Variants in GRIK4 observed in about 807,000 individuals in gnomAD.
GRIK4 encodes the protein glutamate receptor ionotropic, kainate 4.
Under a neutral mutation model 104.9 loss-of-function variants are expected in GRIK4, and 40 were observed. That is an observed-to-expected ratio of 0.38 (90% CI 0.30 to 0.50). GRIK4 has a LOEUF of 0.50. Ranked by LOEUF, GRIK4 falls within the 20% of genes least tolerant of loss-of-function variation. The pLI, the probability that GRIK4 is intolerant of heterozygous loss-of-function variation, is 0.93. For synonymous variants in GRIK4, 485 were observed against 524.9 expected (o/e 0.92, Z 1.04); for missense variants, 1,047 against 1,308.1 (o/e 0.80, Z 3.08).
intron 3 of GRIK4, among the ~76,000 whole-genome samples, chr11:120,771,546 A>T (rs1951942483): frequency 1.3e-5 from 2 of 152,212 alleles, no homozygotes. Flanking sequence ...GGGAAAGGAG[A>T]ATTTAAATAT....
intron 1 of GRIK4, among the ~76,000 whole-genome samples, chr11:120,578,755 C>G (rs1948522423): frequency 6.6e-6 from 1 of 152,234 alleles, no homozygotes; most frequent in Non-Finnish European, 1.5e-5. Flanking sequence ...GGTCTCCCCT[C>G]CCGGCGAACG....
intron 3 of GRIK4, among the ~76,000 whole-genome samples, chr11:120,722,340 C>T (rs1444588865): frequency 6.6e-6 from 1 of 152,084 alleles, no homozygotes; most frequent in East Asian, 1.9e-4. Context: ...ATTTTGGGGC[C>T]GGGCGCAGTG....
At chr11:120,799,440 G>C (rs1014214287) in intron 3 of GRIK4, among the ~76,000 whole-genome samples, 2 of 152,198 alleles carry the variant, frequency 1.3e-5, no homozygotes, top group Admixed American at 1.3e-4. Flanking sequence ...TACAGTCCCT[G>C]GAAGCCTCAT....
intron 1 of GRIK4, among the ~76,000 whole-genome samples, chr11:120,525,147 GCTGGGAAGGGGCC>G (rs1947842983): frequency 1.3e-5 from 2 of 151,980 alleles, no homozygotes; most frequent in South Asian, 2.1e-4. Context: ...GGGAAGGGGC[GCTGGGAAGGGGCC>G]CTGGGAAGGG....
At chr11:120,547,449 G>T (rs543524401) in intron 1 of GRIK4, among the ~76,000 whole-genome samples, 1 of 152,154 alleles carries the variant, frequency 6.6e-6, no homozygotes, top group Non-Finnish European at 1.5e-5. Context: ...GACTCTGGTC[G>T]GCGGTGACCA....
chr11:120,798,872 G>T lies in GRIK4; in HGVS notation c.83-3821G>T, dbSNP rs1952572212. Reference sequence around the variant, plus strand: ...TGTCCTACAGACCCTATTTTTTAAGGCAGTAATATTGGGGGTTAGAACTTC... The same window carrying T: ...TGTCCTACAGACCCTATTTTTTAAGTCAGTAATATTGGGGGTTAGAACTTC... On this transcript the variant is annotated intron_variant, in intron 3 of 20. Transcript: ENST00000527524. Among the ~76,000 whole-genome samples, 4 of 152,148 alleles carry T rather than the reference G, an allele frequency of 2.6e-5. No individual in the cohort carries two copies. The South Asian group carries it at 8.3e-4, about 32-fold the overall frequency.
At chr11:120,600,210 C>T (rs964618933) in intron 1 of GRIK4, among the ~76,000 whole-genome samples, 3 of 152,296 alleles carry the variant, frequency 2.0e-5, no homozygotes, top group South Asian at 2.1e-4. Context: ...AGCTGCTCCT[C>T]CCACAGCGGG....
chr11:120,702,871 T>C (rs1319643515), intron 3 of GRIK4, among the ~76,000 whole-genome samples: 4 of 152,206 alleles, frequency 2.6e-5, no homozygotes, highest in Non-Finnish European at 5.9e-5. Flanking sequence ...GGAAGGAAGA[T>C]GTATTTGTAT....
At chr11:120,570,246 G>T (rs977911689) in intron 1 of GRIK4, among the ~76,000 whole-genome samples, 1 of 152,208 alleles carries the variant, frequency 6.6e-6, no homozygotes, top group African/African-American at 2.4e-5. Flanking sequence ...ATTACTCATA[G>T]TTTATAAGTC....
chr11:120,610,120 T>C (rs764614884), intron 1 of GRIK4, among the ~76,000 whole-genome samples: 21 of 152,176 alleles, frequency 1.4e-4, no homozygotes, highest in Admixed American at 6.5e-4. Flanking sequence ...TTTATGGCGA[T>C]GCTCGGAGCA....
intron 11 of GRIK4, among the ~76,000 whole-genome samples, chr11:120,884,486 T>A (rs774283952): frequency 1.3e-5 from 2 of 152,102 alleles, no homozygotes; most frequent in Non-Finnish European, 2.9e-5. Context: ...CCAGGCGGGG[T>A]GCACACCAGC....
At chr11:120,722,122 T>C (rs1950943037) in intron 3 of GRIK4, among the ~76,000 whole-genome samples, 1 of 152,220 alleles carries the variant, frequency 6.6e-6, no homozygotes. Context: ...AGCTGTGTGC[T>C]CTGCGGCTTC....
intron 3 of GRIK4, among the ~76,000 whole-genome samples, chr11:120,771,800 A>G (rs1390317992): frequency 1.3e-5 from 2 of 152,248 alleles, no homozygotes; most frequent in African/African-American, 4.8e-5. Flanking sequence ...ATGTGGGGGC[A>G]TAGCTGCCTT....
chr11:120,782,809 C>A (rs1465071838), intron 3 of GRIK4, among the ~76,000 whole-genome samples: 2 of 152,184 alleles, frequency 1.3e-5, no homozygotes, highest in Non-Finnish European at 2.9e-5. Flanking sequence ...GGGGCAATTT[C>A]TCCCCCTCTC....
intron 3 of GRIK4, among the ~76,000 whole-genome samples, chr11:120,782,911 G>A (rs1354944257): frequency 6.6e-6 from 1 of 152,142 alleles, no homozygotes; most frequent in Admixed American, 6.5e-5. Context: ...ATCCTCACAA[G>A]GCAGGAGGGC....
chr11:120,805,140 G>C (rs1952688291), intron 4 of GRIK4, among the ~76,000 whole-genome samples: 1 of 152,210 alleles, frequency 6.6e-6, no homozygotes, highest in African/African-American at 2.4e-5. Context: ...GGAAGATTCA[G>C]ATTTCCCAGT....
chr11:120,921,570 C>G (rs1374718482), intron 13 of GRIK4, among the ~76,000 whole-genome samples: 3 of 150,438 alleles, frequency 2.0e-5, no homozygotes, highest in Non-Finnish European at 4.5e-5. Flanking sequence ...TGCCCTCCCG[C>G]TTGCGCGCAC....
intron 3 of GRIK4, among the ~76,000 whole-genome samples, chr11:120,669,768 T>A (rs1210741689): frequency 6.6e-6 from 1 of 152,270 alleles, no homozygotes; most frequent in Non-Finnish European, 1.5e-5. Flanking sequence ...TGAAGATGGA[T>A]GTGCCTCAGG....
intron 8 of GRIK4, among the ~76,000 whole-genome samples, chr11:120,842,765 T>C (rs1164681328): frequency 6.6e-6 from 1 of 152,218 alleles, no homozygotes; most frequent in Non-Finnish European, 1.5e-5. Context: ...CTGGGTTTGG[T>C]TGGGGGAAAC....
Sources: gnomAD v4.1 joint callset for allele counts (sites outside exome capture counted in the v4.1 genomes callset) on GRCh38, gnomAD v4.1.1 for gene constraint, MANE v1.5 for transcripts, NCBI Gene and HGNC (gene_info 2026-07-23, HGNC 2026-07-21) for gene names.